The following APBA1 variants were observed in gnomAD, a reference collection of about 807,000 sequenced individuals.
The protein encoded by APBA1 is amyloid-beta A4 precursor protein-binding family A member 1.
In APBA1, 55 loss-of-function variants were observed where a neutral mutation model predicts 86.6. The ratio of observed to expected loss-of-function variants is 0.64; its 90% CI spans 0.51 to 0.80. APBA1 has a LOEUF of 0.80. APBA1 is among the 30% of genes least tolerant of loss of function. The pLI is 0.00. For synonymous variants in APBA1, 511 were observed against 493.9 expected (o/e 1.03, Z -0.46); for missense variants, 1,090 against 1,183.0 (o/e 0.92, Z 1.15).
intron 1 of APBA1, among the ~76,000 whole-genome samples, chr9:69,530,345 C>T (rs146597275): frequency 3.4e-5 from 5 of 146,538 alleles, no homozygotes; most frequent in African/African-American, 5.1e-5. Flanking sequence ...CACACACACA[C>T]ACACACACAC....
intron 3 of APBA1, 92 bp downstream of exon 3, chr9:69,475,956 G>A (rs1486160044): frequency 4.0e-6 from 4 of 1,004,628 alleles, no homozygotes; most frequent in Non-Finnish European, 6.2e-6. Flanking sequence ...TGTGGGTCAG[G>A]AGCGCTGTAG....
chr9:69,610,655 T>C (rs978074548), intron 1 of APBA1, among the ~76,000 whole-genome samples: 1 of 152,158 alleles, frequency 6.6e-6, no homozygotes, highest in Non-Finnish European at 1.5e-5. Context: ...TGGTGGGTGC[T>C]ACATGGCCAA....
intron 2 of APBA1, among the ~76,000 whole-genome samples, chr9:69,489,273 A>G (rs1835662940): frequency 6.6e-6 from 1 of 152,130 alleles, no homozygotes; most frequent in African/African-American, 2.4e-5. Context: ...ACTGGTACCA[A>G]AACAGAGATA....
In APBA1 at chr9:69,516,637, C is replaced by T. The variant is rs1166715096; in HGVS notation, c.574G>A (p.Gly192Ser). The T allele has an allele frequency of 1.2e-6, 2 of 1,608,208 alleles. No individual in the cohort carries two copies. The highest frequency in any genetic ancestry group is 1.7e-6 in the Non-Finnish European group (2 of 1,179,110). ...PYSEPYADYG[G>S]LQEHVYEEIG... ...TCCTCGTACACGTGCTCCTGGAGGCCGCCGTAGTCGGCATAGGGCTCGGAG... is the reference window on the plus strand; with the variant it reads ...TCCTCGTACACGTGCTCCTGGAGGCTGCCGTAGTCGGCATAGGGCTCGGAG... Residue 192 changes from glycine (G) to serine (S), a missense_variant, in exon 2 of 13, where the codon GGC (glycine) becomes AGC (serine). By Grantham distance (56) the Gly-to-Ser change is moderately conservative. Coordinates refer to ENST00000265381, the MANE Select transcript of APBA1 (RefSeq NM_001163.4). This position sits in a 1 kb window ranked among gnomAD's most constrained non-coding sequence, Gnocchi z 7.3.
chr9:69,611,759 T>C (rs1383031401), intron 1 of APBA1, among the ~76,000 whole-genome samples: 1 of 152,200 alleles, frequency 6.6e-6, no homozygotes, highest in Non-Finnish European at 1.5e-5. Flanking sequence ...TGTGGGTATG[T>C]GCATTGTGTG....
chr9:69,491,493 T>C (rs1049192657), intron 2 of APBA1, among the ~76,000 whole-genome samples: 1 of 151,644 alleles, frequency 6.6e-6, no homozygotes, highest in Non-Finnish European at 1.5e-5. Flanking sequence ...TTAGGAGAGA[T>C]ACCTAATGTA....
intron 1 of APBA1, among the ~76,000 whole-genome samples, chr9:69,593,843 ATT>A (rs1246597363): frequency 6.6e-6 from 1 of 152,182 alleles, no homozygotes; most frequent in Non-Finnish European, 1.5e-5. Context: ...TCCCTGAAAG[ATT>A]TGTTATTTGT....
intron 1 of APBA1, among the ~76,000 whole-genome samples, chr9:69,529,572 C>CA (rs1213067639): frequency 1.3e-5 from 2 of 152,050 alleles, no homozygotes; most frequent in Non-Finnish European, 2.9e-5. Context: ...ATGGTATCTG[C>CA]ATTTATACTC....
chr9:69,667,720 T>C (rs1393171788), intron 1 of APBA1, among the ~76,000 whole-genome samples: 3 of 151,870 alleles, frequency 2.0e-5, no homozygotes, highest in Non-Finnish European at 4.4e-5. Flanking sequence ...ACTTTCCCTC[T>C]ACTACACCAT....
chr9:69,492,171 G>C (rs1260343572), intron 2 of APBA1, among the ~76,000 whole-genome samples: 6 of 152,094 alleles, frequency 3.9e-5, no homozygotes, highest in South Asian at 2.1e-4. Flanking sequence ...GCAGATCAGA[G>C]TCTGGCTACC....
chr9:69,450,879 G>A (rs1454327741), intron 9 of APBA1, among the ~76,000 whole-genome samples: 1 of 151,962 alleles, frequency 6.6e-6, no homozygotes, highest in African/African-American at 2.4e-5. Flanking sequence ...AGGCTGATGT[G>A]AAGACACAGC....
intron 1 of APBA1, among the ~76,000 whole-genome samples, chr9:69,532,854 C>T (rs913810381): frequency 1.3e-5 from 2 of 152,118 alleles, no homozygotes; most frequent in Non-Finnish European, 2.9e-5. Context: ...TAAAATTGGT[C>T]CATGAAGGGT....
intron 1 of APBA1, among the ~76,000 whole-genome samples, chr9:69,634,161 C>T (rs2134000999): frequency 6.6e-6 from 1 of 152,284 alleles, no homozygotes. Context: ...TCTTGAATTG[C>T]CAACACCACC....
intron 1 of APBA1, among the ~76,000 whole-genome samples, chr9:69,645,512 T>C (rs1053228250): frequency 6.6e-6 from 1 of 152,060 alleles, no homozygotes; most frequent in Non-Finnish European, 1.5e-5. Flanking sequence ...CTACCTGAAG[T>C]GAGAGAAAAA....
At chr9:69,434,468 GGAGGCA>G (rs1383908061) in intron 11 of APBA1, among the ~76,000 whole-genome samples, 2 of 152,118 alleles carry the variant, frequency 1.3e-5, no homozygotes, top group Admixed American at 1.3e-4. Context: ...CAGCACTTTG[GGAGGCA>G]GAGGCAGGTG....
chr9:69,545,863 A>G (rs890384408), intron 1 of APBA1, among the ~76,000 whole-genome samples: 1 of 152,358 alleles, frequency 6.6e-6, no homozygotes, highest in South Asian at 2.1e-4. Flanking sequence ...ATTAACTTAC[A>G]AATGAATGAC....
At chr9:69,559,490 T>C (rs1279847713) in intron 1 of APBA1, among the ~76,000 whole-genome samples, 1 of 152,242 alleles carries the variant, frequency 6.6e-6, no homozygotes, top group Non-Finnish European at 1.5e-5. Context: ...GGGTACTCTG[T>C]GTCTGGGTTC....
intron 1 of APBA1, among the ~76,000 whole-genome samples, chr9:69,668,365 C>G (rs1159212520): frequency 1.3e-5 from 2 of 152,170 alleles, no homozygotes; most frequent in Non-Finnish European, 2.9e-5. Flanking sequence ...TCCCTTTTCC[C>G]TTCCTCACTT....
At chr9:69,534,896 A>C (rs1246259588) in intron 1 of APBA1, among the ~76,000 whole-genome samples, 1 of 152,074 alleles carries the variant, frequency 6.6e-6, no homozygotes, top group Non-Finnish European at 1.5e-5. Flanking sequence ...TTTCTCTCCC[A>C]ATGTTTAATA....
Sources: gnomAD v4.1 joint callset for allele counts (sites outside exome capture counted in the v4.1 genomes callset) on GRCh38, gnomAD v4.1.1 for gene constraint, Gnocchi (gnomAD v3.1) non-coding constraint, MANE v1.5 for transcripts, NCBI Gene and HGNC (gene_info 2026-07-23, HGNC 2026-07-21) for gene names.